BCAS3: variants seen among roughly 807,000 people sequenced by gnomAD.
The protein encoded by BCAS3 is BCAS3 microtubule associated cell migration factor.
In BCAS3, 53 loss-of-function variants were observed where a neutral mutation model predicts 116.1. That is an observed-to-expected ratio of 0.46 (90% CI 0.37 to 0.57). The LOEUF (loss-of-function observed/expected upper bound fraction) is 0.57, where lower values mean the gene tolerates loss of function less well. BCAS3 is among the 20% of genes least tolerant of loss of function. The probability of loss-of-function intolerance (pLI) is 0.00; values close to 1 mark genes in which losing one functional copy is unlikely to be tolerated. For missense variants in BCAS3, 917 were observed against 1,165.4 expected (o/e 0.79, Z 3.10); for synonymous variants, 391 against 408.2 (o/e 0.96, Z 0.51).
chr17:61,078,351 A>G lies in BCAS3; in HGVS notation c.2149A>G (p.Thr717Ala), dbSNP rs199740832. 2.9e-5 allele frequency: 46 copies of G among 1,613,696 alleles called. No individual in the cohort carries two copies. The highest frequency in any genetic ancestry group is 4.0e-5 in the African/African-American group (3 of 75,028). ...WLSQVEIVTHTGPHRRLWMGP... is the reference protein window; with the variant it reads ...WLSQVEIVTHAGPHRRLWMGP... ...ATTCCAGGTTGAAATTGTAACACACACTGGACCCCATAGACGTCTGTGGAT... is the reference window on the plus strand; with the variant it reads ...ATTCCAGGTTGAAATTGTAACACACGCTGGACCCCATAGACGTCTGTGGAT... Residue 717 changes from threonine (T) to alanine (A), a missense_variant, in exon 21 of 24, where the codon ACT becomes GCT. Physicochemically the swap from Thr to Ala is moderately conservative, Grantham distance 58. Transcript: ENST00000407086.
At chr17:61,384,930 C>T (rs921901143) in intron 23 of BCAS3, among the ~76,000 whole-genome samples, 1 of 152,174 alleles carries the variant, frequency 6.6e-6, no homozygotes, top group Admixed American at 6.5e-5. Context: ...AGGGAAAGCG[C>T]AGGGGAGCCA....
chr17:61,157,954 T>C (rs2077956163), intron 22 of BCAS3, among the ~76,000 whole-genome samples: 1 of 152,198 alleles, frequency 6.6e-6, no homozygotes, highest in Non-Finnish European at 1.5e-5. Context: ...AAAACTGCTA[T>C]TGTATATTTC....
Position 61,196,782 on chromosome 17 carries a change from A to G in BCAS3, c.2425+112218A>G, listed in dbSNP as rs545908998. On this transcript the variant is annotated intron_variant, in intron 22 of 23. Coordinates refer to ENST00000407086, the MANE Select transcript of BCAS3 (RefSeq NM_017679.5). This position sits in a 1 kb window ranked among gnomAD's most constrained non-coding sequence, Gnocchi z 4.7. ...ATGCTCCGTTTTTTCTGTTTATCAT[A>G]GGGTCTAATACACATTTTAACTGCT... 1.3e-5 allele frequency among the ~76,000 whole-genome samples: 2 copies of G among 152,354 alleles called. No individual in the cohort carries two copies. The highest frequency in any genetic ancestry group is 1.9e-4 in the East Asian group (1 of 5,192).
At chr17:61,336,001 G>A (rs556250635) in intron 22 of BCAS3, among the ~76,000 whole-genome samples, 11 of 152,286 alleles carry the variant, frequency 7.2e-5, no homozygotes, top group African/African-American at 2.4e-4. Context: ...GGGAGCCCTC[G>A]CTCCCAGCCC....
chr17:61,350,539 G>A (rs922224137), intron 22 of BCAS3, among the ~76,000 whole-genome samples: 4 of 152,026 alleles, frequency 2.6e-5, no homozygotes, highest in African/African-American at 9.7e-5. Context: ...TGCTCCTGCA[G>A]CATTATTCAC....
At chr17:61,163,962 A>G (rs2144076411) in intron 22 of BCAS3, among the ~76,000 whole-genome samples, 1 of 139,528 alleles carries the variant, frequency 7.2e-6, no homozygotes, top group South Asian at 2.3e-4. Context: ...GTACCATCGC[A>G]CTCCAGCCTG....
chr17:60,796,107 G>T (rs1275294470), intron 6 of BCAS3, among the ~76,000 whole-genome samples: 1 of 152,156 alleles, frequency 6.6e-6, no homozygotes, highest in Non-Finnish European at 1.5e-5. Flanking sequence ...ATATCTTTTT[G>T]ATATGTTGTT....
chr17:60,911,380 C>G (rs75404924), intron 12 of BCAS3, among the ~76,000 whole-genome samples: 3 of 152,010 alleles, frequency 2.0e-5, no homozygotes, highest in Non-Finnish European at 4.4e-5. Context: ...CTCACTGAAA[C>G]CTCCACCTCC....
chr17:61,235,002 C>G lies in BCAS3; in HGVS notation c.2426-133325C>G, dbSNP rs2082922043. ...TCCTGGGTTCAAGCAATTCTCCTTC[C>G]TCAGCCTCCCGAGTAGCTGGGACTA... On this transcript the variant is annotated intron_variant, in intron 22 of 23. Transcript: ENST00000407086. This position sits in a 1 kb window ranked among gnomAD's most constrained non-coding sequence, Gnocchi z 5.0. Among the ~76,000 whole-genome samples the G allele has an allele frequency of 6.6e-6, 1 of 152,146 alleles. No homozygotes were observed.
intron 4 of BCAS3, among the ~76,000 whole-genome samples, chr17:60,699,175 A>G (rs1270648121): frequency 2.0e-5 from 3 of 152,208 alleles, no homozygotes; most frequent in African/African-American, 4.8e-5. Flanking sequence ...ACAAAAGCAC[A>G]TAGAAACTTA....
intron 22 of BCAS3, among the ~76,000 whole-genome samples, chr17:61,202,848 C>T (rs2080920065): frequency 6.6e-6 from 1 of 152,126 alleles, no homozygotes; most frequent in South Asian, 2.1e-4. Flanking sequence ...AATAAATAGC[C>T]TAAATATCTC....
chr17:61,360,897 C>T (rs1345119982), intron 22 of BCAS3, among the ~76,000 whole-genome samples: 1 of 152,212 alleles, frequency 6.6e-6, no homozygotes, highest in African/African-American at 2.4e-5. Flanking sequence ...GTAACAAGAG[C>T]TGGCATTTGA....
At chr17:60,937,753 C>T (rs1187742781) in intron 13 of BCAS3, among the ~76,000 whole-genome samples, 1 of 152,184 alleles carries the variant, frequency 6.6e-6, no homozygotes, top group East Asian at 1.9e-4. Flanking sequence ...TTTCACTTTA[C>T]TATCCCTTCT....
At chr17:61,328,531 C>G (rs998424024) in intron 22 of BCAS3, among the ~76,000 whole-genome samples, 1 of 152,182 alleles carries the variant, frequency 6.6e-6, no homozygotes, top group African/African-American at 2.4e-5. Context: ...CTTTGTGAGG[C>G]CGAGGCTGGC....
At position 61,333,456 on chromosome 17, in the gene BCAS3, G is replaced by T. The variant is rs1260503547; in HGVS notation, c.2426-34871G>T. 6.6e-6 allele frequency among the ~76,000 whole-genome samples: 1 copy of T among 152,056 alleles called. No homozygotes were observed. The highest frequency in any genetic ancestry group is 1.5e-5 in the Non-Finnish European group (1 of 68,004). ...GGCCTCTGTCTCAGCATCACCAATAGCTCACCCTCCTGTCCACTCACATTG... is the reference window on the plus strand; with the variant it reads ...GGCCTCTGTCTCAGCATCACCAATATCTCACCCTCCTGTCCACTCACATTG... On this transcript the variant is annotated intron_variant, in intron 22 of 23. Transcript: ENST00000407086. This position sits in a 1 kb window ranked among gnomAD's most constrained non-coding sequence, Gnocchi z 4.8.
intron 23 of BCAS3, among the ~76,000 whole-genome samples, chr17:61,375,246 G>GTGTGTGCGCGCGCGCGCACA (rs1555861730): frequency 1.4e-3 from 217 of 150,780 alleles, no homozygotes; most frequent in African/African-American, 5.2e-3. Context: ...GTGTGTGTGT[G>GTGTGTGCGCGCGCGCGCACA]TGTGTGTGTA....
chr17:60,843,013 A>G (rs565103777), intron 7 of BCAS3, among the ~76,000 whole-genome samples: 67 of 152,024 alleles, frequency 4.4e-4, no homozygotes, highest in Admixed American at 2.6e-3. Flanking sequence ...CTAGGAATGT[A>G]GGTGTACAAC....
Position 61,171,508 on chromosome 17 carries a change from G to A in BCAS3, c.2425+86944G>A, listed in dbSNP as rs1287754148. Among the ~76,000 whole-genome samples the A allele has an allele frequency of 6.6e-6, 1 of 151,986 alleles. No homozygotes were observed. The highest frequency in any genetic ancestry group is 1.5e-5 in the Non-Finnish European group (1 of 68,002). ...ATTAAAAGACAGGAAATGTAAGATT[G>A]GATAAAAAAGGCAAGAATCACCTAC... On this transcript the variant is annotated intron_variant, in intron 22 of 23. Transcript: ENST00000407086. This position sits in a 1 kb window ranked among gnomAD's most constrained non-coding sequence, Gnocchi z 4.1.
intron 7 of BCAS3, among the ~76,000 whole-genome samples, chr17:60,814,306 T>TGTGCGC (rs368289350): frequency 0.052 from 7,638 of 148,220 alleles, 296 homozygotes; most frequent in African/African-American, 0.098. Flanking sequence ...TGTGTGTGTG[T>TGTGCGC]GCGCGCGTGC....
Sources: allele counts gnomAD v4.1 joint callset (sites outside exome capture counted in the v4.1 genomes callset), GRCh38; gene constraint gnomAD v4.1.1; non-coding constraint Gnocchi (gnomAD v3.1); transcripts MANE v1.5; gene names NCBI Gene and HGNC (gene_info 2026-07-23, HGNC 2026-07-21).